CACNA2D3: variants seen among roughly 807,000 people sequenced by gnomAD.
CACNA2D3 encodes calcium voltage-gated channel auxiliary subunit alpha2delta 3, also known as voltage-dependent calcium channel subunit alpha-2/delta-3.
CACNA2D3 carries 60 observed loss-of-function variants against 160.6 expected under a neutral mutation model. The ratio of observed to expected loss-of-function variants is 0.37; its 90% CI spans 0.30 to 0.46. The LOEUF is 0.46. Among genes scored for constraint, CACNA2D3 ranks in the 20% least tolerant of loss-of-function variants. CACNA2D3 has a pLI of 1.00. For missense variants in CACNA2D3, 1,205 were observed against 1,365.0 expected (o/e 0.88, Z 1.85); for synonymous variants, 558 against 492.9 (o/e 1.13, Z -1.75).
chr3:54,883,829 T>TCTCTCTCC (rs753661413), intron 21 of CACNA2D3, among the ~76,000 whole-genome samples: 13,376 of 144,904 alleles, frequency 0.092, 809 homozygotes, highest in Non-Finnish European at 0.13. Context: ...CTCTCCTCTC[T>TCTCTCTCC]CTCCCTTCAA....
At position 54,879,385 on chromosome 3, in the gene CACNA2D3, T is replaced by C; in HGVS notation, c.1818T>C (p.Tyr606=). Residue 606 remains tyrosine, a synonymous_variant, in exon 20 of 38, where the codon TAT becomes TAC. Transcript: ENST00000474759. ...TGGTGATGACAAATGACTACTATTA[T>C]ACAGACATCAAGGGTACTCCTTTCA... ...RVLVMTNDYY[Y]TDIKGTPFSL... 6.2e-7 allele frequency: 1 copy of C among 1,610,582 alleles called. No individual in the cohort carries two copies.
chr3:54,141,096 CGCGTGT>C (rs1366000721), intron 2 of CACNA2D3, among the ~76,000 whole-genome samples: 1 of 48,322 alleles, frequency 2.1e-5, no homozygotes, highest in African/African-American at 8.4e-5. Context: ...TGCGCGCGCG[CGCGTGT>C]GTGCATGCAT....
At chr3:54,361,209 C>T (rs754436284) in intron 3 of CACNA2D3, among the ~76,000 whole-genome samples, 24 of 150,986 alleles carry the variant, frequency 1.6e-4, no homozygotes, top group Admixed American at 2.7e-4. Context: ...CACAGCATAC[C>T]AGATAGGTGG....
chr3:54,813,800 A>T (rs370053864), intron 13 of CACNA2D3, among the ~76,000 whole-genome samples: 2 of 152,006 alleles, frequency 1.3e-5, no homozygotes, highest in Non-Finnish European at 2.9e-5. Context: ...ATAGAAAAAA[A>T]GCGCAGGGAA....
rs138407702 is a variant in CACNA2D3 at position 54,739,518 on chromosome 3, C to A, written c.1168-13081C>A. On this transcript the variant is annotated intron_variant, in intron 11 of 37. Coordinates refer to ENST00000474759, the MANE Select transcript of CACNA2D3 (RefSeq NM_018398.3). ...GTGCCTGCAAGGTTATTTCTAGGAACAAACAGTTGGGGAAGACATTGGGAT... is the reference window on the plus strand; with the variant it reads ...GTGCCTGCAAGGTTATTTCTAGGAAAAAACAGTTGGGGAAGACATTGGGAT... Among the ~76,000 whole-genome samples the A allele has an allele frequency of 2.7e-5, 4 of 149,418 alleles. No homozygotes were observed. In the East Asian group the frequency reaches 7.9e-4, roughly 29 times the overall value.
At chr3:54,798,852 G>A (rs11718474) in intron 13 of CACNA2D3, among the ~76,000 whole-genome samples, 11,290 of 152,178 alleles carry the variant, frequency 0.074, 513 homozygotes, top group South Asian at 0.15. Flanking sequence ...TTCTGTCTTG[G>A]GACATGTTCC....
At position 54,667,261 on chromosome 3, in the gene CACNA2D3, A is replaced by G. The variant is rs544066355; in HGVS notation, c.1167+25020A>G. On this transcript the variant is annotated intron_variant, in intron 11 of 37. Transcript: ENST00000474759. Reference sequence around the variant, plus strand: ...TCAAATATAATGTTGGAACCCTAGGACCTCAGGATTAGAAGAAAACAAAGA... The same window carrying G: ...TCAAATATAATGTTGGAACCCTAGGGCCTCAGGATTAGAAGAAAACAAAGA... Among the ~76,000 whole-genome samples, 3 of 152,256 alleles carry G rather than the reference A, an allele frequency of 2.0e-5. No homozygotes were observed. The East Asian group carries it at 5.8e-4, about 29-fold the overall frequency.
intron 5 of CACNA2D3, among the ~76,000 whole-genome samples, chr3:54,531,995 C>T (rs1701813655): frequency 6.6e-6 from 1 of 152,336 alleles, no homozygotes; most frequent in Non-Finnish European, 1.5e-5. Context: ...CGAGCCCACA[C>T]TGCCTCTCTC....
chr3:54,718,059 T>A (rs1462805360), intron 11 of CACNA2D3, among the ~76,000 whole-genome samples: 1 of 152,212 alleles, frequency 6.6e-6, no homozygotes, highest in Non-Finnish European at 1.5e-5. Flanking sequence ...GTTCAAGATT[T>A]TTGACAATTT....
chr3:54,869,625 G>A (rs1699479054), intron 17 of CACNA2D3, among the ~76,000 whole-genome samples: 1 of 152,154 alleles, frequency 6.6e-6, no homozygotes, highest in African/African-American at 2.4e-5. Context: ...GAGTTTCTGG[G>A]GTACCTAATA....
intron 2 of CACNA2D3, among the ~76,000 whole-genome samples, chr3:54,133,867 G>A (rs965167711): frequency 6.6e-6 from 1 of 152,134 alleles, no homozygotes; most frequent in African/African-American, 2.4e-5. Flanking sequence ...GGGACCAGAT[G>A]GATCTGGCTT....
chr3:54,743,975 G>T (rs1334097062), intron 11 of CACNA2D3, among the ~76,000 whole-genome samples: 5 of 152,158 alleles, frequency 3.3e-5, no homozygotes, highest in Non-Finnish European at 7.3e-5. Flanking sequence ...ACTCAGTTCT[G>T]TCTGTCTGTC....
At chr3:54,663,451 C>G (rs1299533712) in intron 11 of CACNA2D3, among the ~76,000 whole-genome samples, 1 of 152,178 alleles carries the variant, frequency 6.6e-6, no homozygotes, top group African/African-American at 2.4e-5. Flanking sequence ...CTTCCAGGCA[C>G]CAAGACTTTG....
chr3:54,728,470 T>A (rs1701319172), intron 11 of CACNA2D3, among the ~76,000 whole-genome samples: 1 of 152,226 alleles, frequency 6.6e-6, no homozygotes, highest in Admixed American at 6.5e-5. Flanking sequence ...AATATTTTGA[T>A]CATGGTTATT....
At chr3:54,897,802 G>T (rs1401871758) in intron 26 of CACNA2D3, among the ~76,000 whole-genome samples, 1 of 152,118 alleles carries the variant, frequency 6.6e-6, no homozygotes, top group African/African-American at 2.4e-5. Context: ...TTTGAAATTT[G>T]TAGAAAGCAA....
chr3:54,301,576 T>C (rs1703477863), intron 2 of CACNA2D3, among the ~76,000 whole-genome samples: 1 of 152,226 alleles, frequency 6.6e-6, no homozygotes, highest in South Asian at 2.1e-4. Context: ...AATCATTTAA[T>C]ATTATGAAAG....
chr3:54,474,619 A>C (rs1700796235), intron 4 of CACNA2D3, among the ~76,000 whole-genome samples: 1 of 152,060 alleles, frequency 6.6e-6, no homozygotes, highest in Admixed American at 6.6e-5. Context: ...ATAATTGAAG[A>C]AGGAGCTTCA....
intron 11 of CACNA2D3, among the ~76,000 whole-genome samples, chr3:54,714,396 A>T (rs1701011431): frequency 1.3e-5 from 2 of 152,162 alleles, no homozygotes; most frequent in Non-Finnish European, 2.9e-5. Flanking sequence ...CTTCAGCGTG[A>T]GTTGTCTTAA....
At chr3:54,205,137 A>G (rs1490943129) in intron 2 of CACNA2D3, among the ~76,000 whole-genome samples, 1 of 152,234 alleles carries the variant, frequency 6.6e-6, no homozygotes, top group African/African-American at 2.4e-5. Context: ...CTGACTAACC[A>G]CGGCTACGTG....
Sources: gnomAD v4.1 joint callset for allele counts (sites outside exome capture counted in the v4.1 genomes callset) on GRCh38, gnomAD v4.1.1 for gene constraint, MANE v1.5 for transcripts, NCBI Gene and HGNC (gene_info 2026-07-23, HGNC 2026-07-21) for gene names.